ANKFN1: variants seen among roughly 807,000 people sequenced by gnomAD.
ANKFN1 encodes the protein ankyrin repeat and fibronectin type-III domain-containing protein 1.
A neutral mutation model predicts 108.7 loss-of-function variants in ANKFN1; 74 were observed. The observed-to-expected ratio is 0.68, with a 90% CI of 0.56 to 0.83. The LOEUF (loss-of-function observed/expected upper bound fraction) is 0.83, where lower values mean the gene tolerates loss of function less well. Ranked by LOEUF, ANKFN1 falls within the 40% of genes least tolerant of loss-of-function variation. The pLI, the probability that ANKFN1 is intolerant of heterozygous loss-of-function variation, is 0.00. For synonymous variants in ANKFN1, 547 were observed against 516.2 expected, an observed-to-expected ratio of 1.06 and a Z score of -0.81; for missense variants, 1,505 against 1,382.3, an observed-to-expected ratio of 1.09 and a Z score of -1.41.
At chr17:56,379,271 C>A (rs578088097) in intron 8 of ANKFN1, among the ~76,000 whole-genome samples, 1 of 152,002 alleles carries the variant, frequency 6.6e-6, no homozygotes, top group African/African-American at 2.4e-5. Flanking sequence ...TGGTGGCGGG[C>A]GCCTGTAGTC....
At chr17:56,505,179 C>G (rs2051513104) in intron 20 of ANKFN1, among the ~76,000 whole-genome samples, 1 of 152,114 alleles carries the variant, frequency 6.6e-6, no homozygotes, top group Non-Finnish European at 1.5e-5. Flanking sequence ...AAAGATAAAG[C>G]AAAATTATCT....
intron 4 of ANKFN1, among the ~76,000 whole-genome samples, chr17:56,080,378 G>A (rs1160637671): frequency 6.6e-6 from 1 of 152,190 alleles, no homozygotes; most frequent in Non-Finnish European, 1.5e-5. Context: ...CAACTTCAAT[G>A]CCCAACAGTA....
chr17:56,179,920 A>T (rs555021498), intron 1 of ANKFN1, among the ~76,000 whole-genome samples: 9 of 152,326 alleles, frequency 5.9e-5, no homozygotes, highest in Non-Finnish European at 1.2e-4. Context: ...ACATTCTATT[A>T]TATGAAAACC....
intron 8 of ANKFN1, among the ~76,000 whole-genome samples, chr17:56,410,155 G>A (rs532456645): frequency 2.6e-5 from 4 of 152,064 alleles, no homozygotes; most frequent in South Asian, 2.1e-4. Flanking sequence ...GCGCTATCTC[G>A]GCTCACTGCA....
At chr17:56,265,464 G>A (rs1000573325) in intron 3 of ANKFN1, among the ~76,000 whole-genome samples, 1 of 152,122 alleles carries the variant, frequency 6.6e-6, no homozygotes, top group Non-Finnish European at 1.5e-5. Flanking sequence ...CTTGACATGT[G>A]GGGATTACAA....
chr17:56,302,081 A>G (rs2044685077), intron 3 of ANKFN1, among the ~76,000 whole-genome samples: 1 of 152,204 alleles, frequency 6.6e-6, no homozygotes, highest in Non-Finnish European at 1.5e-5. Flanking sequence ...TATGGTAAGT[A>G]TCATTCTCCC....
At chr17:56,115,178 C>T (rs1906189239) in intron 4 of ANKFN1, among the ~76,000 whole-genome samples, 1 of 152,330 alleles carries the variant, frequency 6.6e-6, no homozygotes, top group South Asian at 2.1e-4. Context: ...CCATTTGTCT[C>T]AGCAGTTACT....
intron 10 of ANKFN1, among the ~76,000 whole-genome samples, chr17:56,444,752 G>A (rs1218902790): frequency 2.6e-5 from 4 of 152,150 alleles, no homozygotes; most frequent in Non-Finnish European, 5.9e-5. Flanking sequence ...CATATATACA[G>A]AGCCCAGCAT....
In ANKFN1 at chr17:56,323,798, A is replaced by G. The variant is rs370401520; in HGVS notation, c.54-2423A>G. 8.5e-4 allele frequency among the ~76,000 whole-genome samples: 129 copies of G among 152,268 alleles called. 1 individual carries two copies. The highest frequency in any genetic ancestry group is 3.0e-3 in the African/African-American group (126 of 41,554). ...TTCTATGTGCCAGGAACTCTGCTAA[A>G]CCCTGGACATACAGCAGAGAATAAG... On this transcript the variant is annotated intron_variant, in intron 3 of 20. Coordinates refer to ENST00000682825, the MANE Select transcript of ANKFN1 (RefSeq NM_001370326.1).
chr17:56,315,608 G>C (rs2045180944), intron 3 of ANKFN1, among the ~76,000 whole-genome samples: 1 of 152,170 alleles, frequency 6.6e-6, no homozygotes, highest in Non-Finnish European at 1.5e-5. Flanking sequence ...TGTGCTGCAA[G>C]GTGCATCCAG....
At chr17:56,153,051 C>T (rs536759782), upstream of ANKFN1, among the ~76,000 whole-genome samples, 1 of 152,248 alleles carries the variant, frequency 6.6e-6, no homozygotes, top group African/African-American at 2.4e-5. Context: ...GATTAGTATT[C>T]AGCATCCGCA....
At chr17:56,501,379 G>A (rs2145454813) in intron 20 of ANKFN1, among the ~76,000 whole-genome samples, 1 of 152,216 alleles carries the variant, frequency 6.6e-6, no homozygotes, top group East Asian at 1.9e-4. Flanking sequence ...AGACCATAAG[G>A]GAAAATTATT....
chr17:56,275,405 T>G (rs566153004), intron 3 of ANKFN1, among the ~76,000 whole-genome samples: 31 of 152,126 alleles, frequency 2.0e-4, no homozygotes, highest in Admixed American at 6.5e-4. Flanking sequence ...GGCTGAATAC[T>G]TCTATGTAAG....
intron 6 of ANKFN1, among the ~76,000 whole-genome samples, chr17:56,365,513 A>G (rs1398939745): frequency 1.3e-5 from 2 of 152,216 alleles, no homozygotes; most frequent in Non-Finnish European, 2.9e-5. Flanking sequence ...TTTGGGCTCA[A>G]TATAGCAGAG....
At chr17:56,132,769 T>G (rs532541985) in intron 4 of ANKFN1, among the ~76,000 whole-genome samples, 117 of 152,262 alleles carry the variant, frequency 7.7e-4, no homozygotes, top group African/African-American at 2.7e-3. Context: ...TGTCCTCACA[T>G]GGTGGAAGGG....
At chr17:56,154,113 T>A (rs1184104607) in intron 1 of ANKFN1, among the ~76,000 whole-genome samples, 1 of 152,106 alleles carries the variant, frequency 6.6e-6, no homozygotes, top group Non-Finnish European at 1.5e-5. Context: ...ACTAACCCTG[T>A]GGGTTGTGTC....
At position 56,477,551 on chromosome 17, in the gene ANKFN1, C is replaced by G. The variant is rs1012732348; in HGVS notation, c.1837C>G (p.Leu613Val). The stretch of plus-strand genomic sequence containing the variant: ...CTTTCCTGGATTATATCTGGGTTAC[C>G]TAAAGCTCTGTAGCTCTGTGGATCA... ...RLFPGLYLGY[L>V]KLCSSVDQIK... Residue 613 changes from leucine to valine, a missense_variant, in exon 16 of 21, where the codon CTA (leucine) becomes GTA (valine). Leu to Val is a conservative substitution (Grantham distance 32, BLOSUM62 1). Coordinates refer to ENST00000682825, the MANE Select transcript of ANKFN1 (RefSeq NM_001370326.1). 6.2e-7 allele frequency: 1 copy of G among 1,612,210 alleles called. No homozygotes were observed. Among genetic ancestry groups the G allele is most frequent in the South Asian group, 1.1e-5 (1 of 91,014 alleles).
chr17:56,435,486 C>T (rs2145136152), intron 8 of ANKFN1, among the ~76,000 whole-genome samples: 1 of 152,218 alleles, frequency 6.6e-6, no homozygotes, highest in South Asian at 2.1e-4. Flanking sequence ...GACTTTGAAC[C>T]AGGACTGTTT....
chr17:56,460,698 A>G (rs961702138), intron 14 of ANKFN1, among the ~76,000 whole-genome samples: 2 of 151,434 alleles, frequency 1.3e-5, no homozygotes, highest in East Asian at 3.9e-4. Context: ...ATTTCCTACC[A>G]TAAGTTCATT....
Sources: allele counts gnomAD v4.1 joint callset (sites outside exome capture counted in the v4.1 genomes callset), GRCh38; gene constraint gnomAD v4.1.1; transcripts MANE v1.5; gene names NCBI Gene and HGNC (gene_info 2026-07-23, HGNC 2026-07-21).